The following LRRC4C variants were observed in gnomAD, a reference collection of about 807,000 sequenced individuals.
LRRC4C encodes leucine-rich repeat-containing protein 4C.
A neutral mutation model predicts 33.6 loss-of-function variants in LRRC4C; 5 were observed. That is an observed-to-expected ratio of 0.15 (90% CI 0.08 to 0.31). The LOEUF is 0.31. LRRC4C is among the 10% of genes least tolerant of loss of function. The probability of loss-of-function intolerance (pLI) is 1.00; values close to 1 mark genes in which losing one functional copy is unlikely to be tolerated. For missense variants in LRRC4C, 560 were observed against 796.7 expected, an observed-to-expected ratio of 0.70 and a Z score of 3.58; for synonymous variants, 329 against 302.0, an observed-to-expected ratio of 1.09 and a Z score of -0.93.
intron 1 of LRRC4C, among the ~76,000 whole-genome samples, chr11:40,963,095 T>C (rs1851083167): frequency 6.6e-6 from 1 of 151,706 alleles, no homozygotes; most frequent in African/African-American, 2.4e-5. Flanking sequence ...TCTGGAGTGA[T>C]CAGATTGCAG....
intron 6 of LRRC4C, among the ~76,000 whole-genome samples, chr11:40,118,227 CTTATA>C (rs1406900759): frequency 3.4e-5 from 5 of 147,670 alleles, no homozygotes; most frequent in East Asian, 3.9e-4. Context: ...ATAATTATTA[CTTATA>C]TTAAAATATT....
chr11:40,757,471 G>T (rs1011318309), intron 2 of LRRC4C, among the ~76,000 whole-genome samples: 3 of 151,932 alleles, frequency 2.0e-5, no homozygotes, highest in African/African-American at 4.8e-5. Flanking sequence ...TAGCTCCTAT[G>T]CTCTTTCCAA....
chr11:40,114,868 A>T lies in LRRC4C; in HGVS notation c.1425T>A (p.Asn475Lys). 1 of 1,614,134 alleles carries T rather than the reference A, an allele frequency of 6.2e-7. No individual in the cohort carries two copies. Among genetic ancestry groups the T allele is most frequent in the Non-Finnish European group, 8.5e-7 (1 of 1,180,022 alleles). Residue 475 changes from asparagine to lysine, a missense_variant, in exon 7 of 7, where the codon AAT (asparagine) becomes AAA (lysine). Asn to Lys is a moderately conservative substitution (Grantham distance 94). This residue lies in a region of LRRC4C where 455 missense variants were observed against 643.8 expected (regional missense o/e 0.71). Coordinates refer to ENST00000528697, the MANE Select transcript of LRRC4C (RefSeq NM_001258419.2). ...AGTCGACCACTGGAGTGGGACCCAC[A>T]TTGTTATCTGTGGTCCGTGCCTCAT... ...SQDEARTTDN[N>K]VGPTPVVDWE...
chr11:40,632,900 T>C (rs993528617), intron 3 of LRRC4C, among the ~76,000 whole-genome samples: 19 of 152,156 alleles, frequency 1.2e-4, no homozygotes, highest in African/African-American at 4.6e-4. Flanking sequence ...AGGTAACAAA[T>C]GTTATGCAGC....
intron 1 of LRRC4C, among the ~76,000 whole-genome samples, chr11:41,316,625 T>C (rs577433525): frequency 2.6e-5 from 4 of 152,206 alleles, no homozygotes; most frequent in South Asian, 2.1e-4. Context: ...ACTTCTTATA[T>C]GTAGAGCTAT....
chr11:40,436,974 G>T (rs909600666), intron 3 of LRRC4C, among the ~76,000 whole-genome samples: 3 of 152,142 alleles, frequency 2.0e-5, no homozygotes, highest in African/African-American at 7.2e-5. Flanking sequence ...TTCGAGCTCG[G>T]GGGAGGATGG....
intron 1 of LRRC4C, among the ~76,000 whole-genome samples, chr11:41,249,189 C>T (rs1388267598): frequency 6.6e-6 from 1 of 152,076 alleles, no homozygotes; most frequent in Non-Finnish European, 1.5e-5. Flanking sequence ...CACCTGCCAC[C>T]ACGCCTGGCT....
At chr11:41,007,690 A>C (rs1854864685) in intron 1 of LRRC4C, among the ~76,000 whole-genome samples, 1 of 152,150 alleles carries the variant, frequency 6.6e-6, no homozygotes, top group Non-Finnish European at 1.5e-5. Context: ...CTTTCTAAAT[A>C]GATTTTTAAA....
intron 4 of LRRC4C, among the ~76,000 whole-genome samples, chr11:40,296,525 C>T (rs1364863035): frequency 6.6e-6 from 1 of 152,106 alleles, no homozygotes; most frequent in Admixed American, 6.5e-5. Flanking sequence ...GTTTTGGTAA[C>T]ATGGGGAACA....
chr11:41,030,633 C>T (rs867234029), intron 1 of LRRC4C, among the ~76,000 whole-genome samples: 1 of 151,922 alleles, frequency 6.6e-6, no homozygotes, highest in Non-Finnish European at 1.5e-5. Flanking sequence ...AATCATCAGC[C>T]GCTTGGTGAA....
intron 3 of LRRC4C, among the ~76,000 whole-genome samples, chr11:40,346,985 C>T (rs1192044674): frequency 1.3e-5 from 2 of 152,176 alleles, no homozygotes; most frequent in Non-Finnish European, 2.9e-5. Context: ...TGAGTATTGA[C>T]TTCAACTTAA....
chr11:41,060,178 A>G (rs1322279982), intron 1 of LRRC4C, among the ~76,000 whole-genome samples: 2 of 152,166 alleles, frequency 1.3e-5, no homozygotes, highest in African/African-American at 2.4e-5. Flanking sequence ...CCAGATCTCT[A>G]CAATTCCATT....
chr11:40,842,831 G>A (rs1463339783), intron 2 of LRRC4C, among the ~76,000 whole-genome samples: 2 of 152,070 alleles, frequency 1.3e-5, no homozygotes, highest in Non-Finnish European at 2.9e-5. Flanking sequence ...CCACCATCTT[G>A]TGTCCCACCT....
At chr11:40,167,247 C>T (rs760670801) in intron 5 of LRRC4C, among the ~76,000 whole-genome samples, 111 of 152,102 alleles carry the variant, frequency 7.3e-4, no homozygotes, top group Non-Finnish European at 1.1e-3. Flanking sequence ...GCCTCTGTTT[C>T]GACCACTTTT....
chr11:40,479,778 AGAGT>A (rs762492245), intron 3 of LRRC4C, among the ~76,000 whole-genome samples: 2 of 152,204 alleles, frequency 1.3e-5, no homozygotes, highest in Non-Finnish European at 2.9e-5. Flanking sequence ...ATCAGTGGAA[AGAGT>A]GAGGTAAGAG....
intron 2 of LRRC4C, among the ~76,000 whole-genome samples, chr11:40,718,045 G>T (rs1946822662): frequency 6.6e-6 from 1 of 152,212 alleles, no homozygotes; most frequent in Admixed American, 6.5e-5. Context: ...TTAGATAAAA[G>T]AGGATCTGTA....
intron 1 of LRRC4C, among the ~76,000 whole-genome samples, chr11:41,443,136 T>A (rs1357795761): frequency 1.5e-5 from 2 of 131,090 alleles, no homozygotes; most frequent in Non-Finnish European, 3.2e-5. Flanking sequence ...AAATCCAACC[T>A]CATCATATTA....
At chr11:40,513,274 A>G (rs930340951) in intron 3 of LRRC4C, among the ~76,000 whole-genome samples, 1 of 151,432 alleles carries the variant, frequency 6.6e-6, no homozygotes, top group Non-Finnish European at 1.5e-5. Flanking sequence ...AAAAAAGAAA[A>G]GAAAGAAAAA....
intron 2 of LRRC4C, among the ~76,000 whole-genome samples, chr11:40,655,263 G>T (rs1217583850): frequency 1.3e-5 from 2 of 152,040 alleles, no homozygotes; most frequent in Non-Finnish European, 2.9e-5. Flanking sequence ...ACCATGTGTT[G>T]ATTTCAATAT....
Sources: gnomAD v4.1 joint callset for allele counts (sites outside exome capture counted in the v4.1 genomes callset) on GRCh38, gnomAD v4.1.1 for gene constraint, gnomAD v4.1.1 regional missense constraint, MANE v1.5 for transcripts, NCBI Gene and HGNC (gene_info 2026-07-23, HGNC 2026-07-21) for gene names.